TLR3: variants seen among roughly 807,000 people sequenced by gnomAD.
The protein encoded by TLR3 is toll like receptor 3.
In TLR3, 43 loss-of-function variants were observed where a neutral mutation model predicts 66.4. The observed-to-expected ratio is 0.65, with a 90% CI of 0.51 to 0.83. TLR3 has a LOEUF of 0.83. Ranked by LOEUF, TLR3 falls within the 40% of genes least tolerant of loss-of-function variation. The pLI is 0.00. For missense variants in TLR3, 982 were observed against 1,044.6 expected, an observed-to-expected ratio of 0.94 and a Z score of 0.83; for synonymous variants, 397 against 397.2, an observed-to-expected ratio of 1.00 and a Z score of 0.01.
intron 3 of TLR3, among the ~76,000 whole-genome samples, chr4:186,080,187 AT>A (rs34694005): frequency 0.046 from 6,729 of 147,224 alleles, 330 homozygotes; most frequent in Middle Eastern, 0.15. Context: ...TTACAACTCT[AT>A]TTTTTTTTTC....
chr4:186,083,870 G>A lies in TLR3; in HGVS notation c.2184G>A (p.Trp728Ter), dbSNP rs1377353903. 1.2e-6 allele frequency: 2 copies of A among 1,614,180 alleles called. No individual in the cohort carries two copies. Among genetic ancestry groups the A allele is most frequent in the Non-Finnish European group, 1.7e-6 (2 of 1,180,032 alleles). Reference sequence around the variant, plus strand: ...TACTTCTCATCCACTTTGAGGGCTGGAGGATATCTTTTTATTGGAATGTTT... The same window carrying A: ...TACTTCTCATCCACTTTGAGGGCTGAAGGATATCTTTTTATTGGAATGTTT... ...FIVLLIHFEG[W>*]RISFYWNVSV... The change falls in exon 4 of 5, where the codon TGG becomes TGA. Residue 728 changes from tryptophan to a stop codon, truncating the protein, a stop_gained. Transcript: ENST00000296795. LOFTEE classifies it high-confidence loss of function. The surrounding 1 kb of genome is among the most constrained non-coding windows in gnomAD (Gnocchi z 4.0).
chr4:186,072,382 G>A (rs1000030704), intron 1 of TLR3, among the ~76,000 whole-genome samples: 2 of 151,936 alleles, frequency 1.3e-5, no homozygotes. Context: ...GTGGGATCTC[G>A]GCTCACTGCA....
chr4:186,079,845 A>G (rs1433453963), intron 3 of TLR3, among the ~76,000 whole-genome samples: 1 of 152,216 alleles, frequency 6.6e-6, no homozygotes, highest in African/African-American at 2.4e-5. Flanking sequence ...GACTGCAAAG[A>G]AACAAAGGCT....
intron 2 of TLR3, among the ~76,000 whole-genome samples, chr4:186,078,078 G>A (rs1000196279): frequency 5.9e-5 from 9 of 152,100 alleles, no homozygotes; most frequent in Non-Finnish European, 2.9e-5. Context: ...AAATATCTTT[G>A]AATACAAAGG....
chr4:186,078,763 T>C, intron 2 of TLR3, 77 bp from the exon 3 acceptor site: 2 of 1,231,292 alleles, frequency 1.6e-6, no homozygotes, highest in Non-Finnish European at 2.3e-6. Flanking sequence ...TGAAGTATTT[T>C]TCAGATGTAC....
intron 1 of TLR3, among the ~76,000 whole-genome samples, chr4:186,069,795 AG>A (rs2099301127): frequency 6.6e-6 from 1 of 152,180 alleles, no homozygotes; most frequent in Non-Finnish European, 1.5e-5. Context: ...AGAAGTGGAA[AG>A]TTGTTAAGGT....
At chr4:186,079,862 G>C (rs2099303123) in intron 3 of TLR3, among the ~76,000 whole-genome samples, 1 of 152,182 alleles carries the variant, frequency 6.6e-6, no homozygotes. Flanking sequence ...GGCTTGCTGG[G>C]GATTTTACAG....
chr4:186,082,718 C>A lies in TLR3; in HGVS notation c.1032C>A (p.Pro344=). Residue 344 remains proline, a synonymous_variant, in exon 4 of 5, where the codon CCC becomes CCA. Transcript: ENST00000296795. ...TKQSISLASL[P]KIDDFSFQWL... ...AAAGTATTTCCCTTGCCTCACTCCC[C>A]AAGATTGATGATTTTTCTTTTCAGT... The A allele has an allele frequency of 1.2e-6, 2 of 1,614,006 alleles. No homozygotes were observed. The highest frequency in any genetic ancestry group is 1.1e-5 in the South Asian group (1 of 91,060).
At chr4:186,070,835 C>A (rs1049013872) in intron 1 of TLR3, among the ~76,000 whole-genome samples, 1 of 151,776 alleles carries the variant, frequency 6.6e-6, no homozygotes, top group Non-Finnish European at 1.5e-5. Context: ...TCCCAAGTAG[C>A]TGGAACTACA....
In TLR3 at chr4:186,083,572, T is replaced by G. The variant is rs2099303885; in HGVS notation, c.1886T>G (p.Val629Gly). The change falls in exon 4 of 5, where the codon GTT (valine) becomes GGT (glycine). Residue 629 changes from valine (V) to glycine (G), a missense_variant. Physicochemically the swap from Val to Gly is moderately radical, Grantham distance 109. This residue lies in a region of TLR3 where 666 missense variants were observed against 709.0 expected (regional missense o/e 0.94). Coordinates refer to ENST00000296795, the MANE Select transcript of TLR3 (RefSeq NM_003265.3). This position sits in a 1 kb window ranked among gnomAD's most constrained non-coding sequence, Gnocchi z 4.0. ...KNLITSVEKK[V>G]FGPAFRNLTE... ...CTCATAACATCCGTTGAGAAGAAGGTTTTCGGGCCAGCTTTCAGGAACCTG... is the reference window on the plus strand; with the variant it reads ...CTCATAACATCCGTTGAGAAGAAGGGTTTCGGGCCAGCTTTCAGGAACCTG... 2 of 1,612,930 alleles carry G rather than the reference T, an allele frequency of 1.2e-6. No homozygotes were observed. The highest frequency in any genetic ancestry group is 4.5e-5 in the East Asian group (2 of 44,878).
chr4:186,084,000 G>A lies in TLR3; in HGVS notation c.2314G>A (p.Glu772Lys), dbSNP rs1307085864. Reference sequence around the variant, plus strand: ...CTATAAAGATAAGGATTGGGTCTGGGAACATTTCTCTTCAATGGAAAAGGA... The same window carrying A: ...CTATAAAGATAAGGATTGGGTCTGGAAACATTTCTCTTCAATGGAAAAGGA... ...HAYKDKDWVW[E>K]HFSSMEKEDQ... The change falls in exon 4 of 5, where the codon GAA becomes AAA. Residue 772 changes from glutamate to lysine, a missense_variant. Physicochemically the swap from Glu to Lys is moderately conservative, Grantham distance 56 (BLOSUM62 1). Around this residue, in one of 3 missense-constraint regions of TLR3, gnomAD observed 666 missense variants for 709.0 expected, o/e 0.94. Coordinates refer to ENST00000296795, the MANE Select transcript of TLR3 (RefSeq NM_003265.3). This position sits in a 1 kb window ranked among gnomAD's most constrained non-coding sequence, Gnocchi z 4.0. 6 of 1,614,024 alleles carry A rather than the reference G, an allele frequency of 3.7e-6. No individual in the cohort carries two copies. The highest frequency in any genetic ancestry group is 5.1e-6 in the Non-Finnish European group (6 of 1,180,020).
chr4:186,076,589 C>G (rs781350246), intron 1 of TLR3, 24 bp from the exon 2 acceptor site: 1 of 1,611,072 alleles, frequency 6.2e-7, no homozygotes, highest in Non-Finnish European at 8.5e-7. Flanking sequence ...GTTGCTCATA[C>G]TTTTTAATGT....
In TLR3 at chr4:186,082,418, A is replaced by G. The variant is rs755843757; in HGVS notation, c.732A>G (p.Glu244=). 2 of 1,613,962 alleles carry G rather than the reference A, an allele frequency of 1.2e-6. No homozygotes were observed. The change falls in exon 4 of 5, where the codon GAA becomes GAG. Residue 244 remains glutamate (E), a synonymous_variant. Transcript: ENST00000296795. ...GPSLTEKLCL[E]LANTSIRNLS... ...GCCTTACAGAGAAGCTATGTTTGGA[A>G]TTAGCAAACACAAGCATTCGGAATC...
chr4:186,082,742 G>C lies in TLR3; in HGVS notation c.1056G>C (p.Gln352His). 6.2e-7 allele frequency: 1 copy of C among 1,614,000 alleles called. No individual in the cohort carries two copies. The highest frequency in any genetic ancestry group is 1.3e-5 in the African/African-American group (1 of 74,996). ...SLPKIDDFSF[Q>H]WLKCLEHLNM... ...CCAAGATTGATGATTTTTCTTTTCA[G>C]TGGCTAAAATGTTTGGAGCACCTTA... The change falls in exon 4 of 5, where the codon CAG becomes CAC. Residue 352 changes from glutamine to histidine, a missense_variant. By Grantham distance (24) the Gln-to-His change is conservative (BLOSUM62 0). This residue lies in a region of TLR3 where 666 missense variants were observed against 709.0 expected (regional missense o/e 0.94). Transcript: ENST00000296795.
At chr4:186,079,173 G>C in intron 3 of TLR3, 142 bp downstream of exon 3, 1 of 814,700 alleles carries the variant, frequency 1.2e-6, no homozygotes, top group Admixed American at 2.5e-5. Context: ...GGGGGCATTG[G>C]TGTCATCCTC....
intron 1 of TLR3, among the ~76,000 whole-genome samples, chr4:186,070,667 C>T (rs564938819): frequency 2.0e-5 from 3 of 151,740 alleles, no homozygotes; most frequent in African/African-American, 7.3e-5. Context: ...GGATTACAGG[C>T]ATGAGCCACA....
chr4:186,076,847 G>T lies in TLR3; in HGVS notation c.228G>T (p.Gln76His), dbSNP rs1415392304. The T allele has an allele frequency of 6.2e-7, 1 of 1,614,054 alleles. No homozygotes were observed. ...LPAANFTRYSQLTSLDVGFNT... is the reference protein window; with the variant it reads ...LPAANFTRYSHLTSLDVGFNT... ...CCGCCAACTTCACAAGGTATAGCCA[G>T]CTAACTAGCTTGGATGTAGGATTTA... The change falls in exon 2 of 5, where the codon CAG (glutamine) becomes CAT (histidine). Residue 76 changes from glutamine (Q) to histidine (H), a missense_variant. Physicochemically the swap from Gln to His is conservative, Grantham distance 24. Around this residue, in one of 3 missense-constraint regions of TLR3, gnomAD observed 313 missense variants for 319.0 expected, o/e 0.98. Transcript: ENST00000296795.
intron 1 of TLR3, among the ~76,000 whole-genome samples, chr4:186,075,959 T>C (rs1347504233): frequency 3.9e-5 from 6 of 152,140 alleles, no homozygotes; most frequent in African/African-American, 1.4e-4. Flanking sequence ...ATCGAGACCA[T>C]CCTGGCCAAC....
At chr4:186,074,398 T>C (rs2099302056) in intron 1 of TLR3, among the ~76,000 whole-genome samples, 1 of 152,208 alleles carries the variant, frequency 6.6e-6, no homozygotes, top group Non-Finnish European at 1.5e-5. Context: ...CTTGTGTATC[T>C]AAACATAGAA....
Sources: gnomAD v4.1 joint callset for allele counts (sites outside exome capture counted in the v4.1 genomes callset) on GRCh38, gnomAD v4.1.1 for gene constraint, gnomAD v4.1.1 regional missense constraint, Gnocchi (gnomAD v3.1) non-coding constraint, MANE v1.5 for transcripts, NCBI Gene and HGNC (gene_info 2026-07-23, HGNC 2026-07-21) for gene names.